GABPA: variants seen among roughly 807,000 people sequenced by gnomAD.
GABPA encodes the protein GA-binding protein alpha chain.
In GABPA, 4 loss-of-function variants were observed where a neutral mutation model predicts 59.4. That is an observed-to-expected ratio of 0.07 (90% CI 0.03 to 0.15). The LOEUF (loss-of-function observed/expected upper bound fraction) is 0.15, where lower values mean the gene tolerates loss of function less well. Among genes scored for constraint, GABPA ranks in the 10% least tolerant of loss-of-function variants. The probability of loss-of-function intolerance (pLI) is 1.00; values close to 1 mark genes in which losing one functional copy is unlikely to be tolerated. For missense variants in GABPA, 251 were observed against 543.8 expected (o/e 0.46, Z 5.36); for synonymous variants, 164 against 183.1 (o/e 0.90, Z 0.84).
chr21:25,756,525 T>C (rs2035641361), intron 5 of GABPA, among the ~76,000 whole-genome samples: 1 of 152,236 alleles, frequency 6.6e-6, no homozygotes, highest in Non-Finnish European at 1.5e-5. Flanking sequence ...TAACACACAC[T>C]GCAGCTATTG....
chr21:25,746,333 A>G (rs1032724805), intron 3 of GABPA, among the ~76,000 whole-genome samples: 1 of 152,060 alleles, frequency 6.6e-6, no homozygotes, highest in African/African-American at 2.4e-5. Context: ...TACTATTTTT[A>G]TATTAACTTA....
chr21:25,765,262 T>A (rs1157614251), intron 9 of GABPA, among the ~76,000 whole-genome samples: 1 of 152,070 alleles, frequency 6.6e-6, no homozygotes, highest in Non-Finnish European at 1.5e-5. Flanking sequence ...AAATTATGCC[T>A]ACTACAGTGA....
At chr21:25,738,107 T>C (rs988342597) in intron 1 of GABPA, among the ~76,000 whole-genome samples, 1 of 152,224 alleles carries the variant, frequency 6.6e-6, no homozygotes, top group Non-Finnish European at 1.5e-5. Context: ...ATGCTTGATA[T>C]ACTTTTCTCC....
intron 6 of GABPA, among the ~76,000 whole-genome samples, chr21:25,761,455 T>G (rs572151534): frequency 7.2e-5 from 11 of 152,182 alleles, no homozygotes; most frequent in African/African-American, 2.7e-4. Context: ...TCTGACCTCT[T>G]TTTACTTCCC....
In GABPA at chr21:25,769,240, G is replaced by C; in HGVS notation, c.*8G>C. ...ACGGAAAAGGATAATTGAGCCCCAG[G>C]ACATTCTGAGACTCCAAAGTCTTTC... On this transcript the variant is annotated 3_prime_UTR_variant, in exon 10 of 10. Coordinates refer to ENST00000400075, the MANE Select transcript of GABPA (RefSeq NM_002040.4). 6.5e-7 allele frequency: 1 copy of C among 1,538,116 alleles called. No homozygotes were observed. Among genetic ancestry groups the C allele is most frequent in the Non-Finnish European group, 9.0e-7 (1 of 1,111,448 alleles).
intron 9 of GABPA, 43 bp downstream of exon 9, chr21:25,764,830 C>T (rs2035851458): frequency 7.2e-7 from 1 of 1,394,428 alleles, no homozygotes; most frequent in African/African-American, 1.5e-5. Flanking sequence ...AAAATAGAAA[C>T]TTTCTAAAAA....
intron 9 of GABPA, 21 bp from the exon 10 acceptor site, chr21:25,768,982 AT>A (rs199745049): frequency 1.4e-4 from 199 of 1,455,154 alleles, no homozygotes; most frequent in Non-Finnish European, 1.7e-4. Flanking sequence ...GAAGTCTCTA[AT>A]TTTTTTTTCT....
intron 3 of GABPA, among the ~76,000 whole-genome samples, chr21:25,748,098 G>T (rs1568942982): frequency 6.6e-6 from 1 of 152,090 alleles, no homozygotes; most frequent in Non-Finnish European, 1.5e-5. Flanking sequence ...TATAGACAGG[G>T]TTTCTCCATG....
chr21:25,745,431 T>A, intron 3 of GABPA, 77 bp downstream of exon 3: 1 of 1,339,510 alleles, frequency 7.5e-7, no homozygotes. Context: ...CTTTTCTTTA[T>A]AGCTATAGAC....
chr21:25,764,563 T>C, intron 8 of GABPA, 32 bp from the exon 9 acceptor site: 2 of 1,582,358 alleles, frequency 1.3e-6, no homozygotes, highest in Non-Finnish European at 1.7e-6. Flanking sequence ...TATAACACTA[T>C]AGCTAATGCT....
chr21:25,762,977 T>G (rs2035799876), intron 7 of GABPA: 1 of 382,418 alleles, frequency 2.6e-6, no homozygotes, highest in Non-Finnish European at 5.0e-6. Context: ...CTACTTTTGC[T>G]TGGCTTTTCC....
intron 7 of GABPA, chr21:25,763,307 C>T (rs1211455650): frequency 3.0e-6 from 1 of 337,840 alleles, no homozygotes; most frequent in Non-Finnish European, 5.8e-6. Context: ...TCTTTCTTTT[C>T]CGCTTATGCC....
intron 2 of GABPA, among the ~76,000 whole-genome samples, chr21:25,742,896 G>T (rs934075546): frequency 6.6e-6 from 1 of 150,718 alleles, no homozygotes; most frequent in African/African-American, 2.4e-5. Flanking sequence ...TTGTGCCATT[G>T]CATTCCAGCT....
chr21:25,757,849 ATTTT>A (rs60518912), intron 5 of GABPA, among the ~76,000 whole-genome samples, 157 bp from the exon 6 acceptor site: 4 of 108,722 alleles, frequency 3.7e-5, no homozygotes, highest in Non-Finnish European at 5.5e-5. Context: ...TTACAGCATA[ATTTT>A]TTTTTTTTTT....
intron 1 of GABPA, 25 bp from the exon 2 acceptor site, chr21:25,741,548 A>G: frequency 7.6e-7 from 1 of 1,319,202 alleles, no homozygotes; most frequent in Non-Finnish European, 1.1e-6. Flanking sequence ...TAGTTTTAAA[A>G]TATCTTAAAA....
chr21:25,750,032 AT>A (rs2035468558), intron 4 of GABPA, among the ~76,000 whole-genome samples: 1 of 152,196 alleles, frequency 6.6e-6, no homozygotes, highest in South Asian at 2.1e-4. Flanking sequence ...ACTCACCATA[AT>A]GTAGAATCAG....
rs746580753 is a variant in GABPA at position 25,758,191 on chromosome 21, A to G, written c.735A>G (p.Glu245=). Residue 245 remains glutamate, a synonymous_variant, in exon 6 of 10, where the codon GAA becomes GAG. Transcript: ENST00000400075. The stretch of plus-strand genomic sequence containing the variant: ...GAGAAATTCTCTGGAGTCATCTGGA[A>G]CTTCTCCGAAAATGTATGAAATTAC... ...PRGEILWSHL[E]LLRKYVLASQ... 1.9e-6 allele frequency: 3 copies of G among 1,586,814 alleles called. No homozygotes were observed. Among genetic ancestry groups the G allele is most frequent in the Non-Finnish European group, 2.6e-6 (3 of 1,168,436 alleles).
Position 25,771,560 on chromosome 21 carries a change from T to G in GABPA, c.*2328T>G, listed in dbSNP as rs147069073. On this transcript the variant is annotated 3_prime_UTR_variant, in exon 10 of 10. Transcript: ENST00000400075. ...ATTATATGTAAAATATTTGTTTTAC[T>G]TAGGTTACAGTTATCAGAAAGGTAG... 1.0e-3 allele frequency: 155 copies of G among 152,078 alleles called. 1 individual carries two copies. The highest frequency in any genetic ancestry group is 3.5e-3 in the African/African-American group (144 of 41,564). The allele number at this position is 152,078 out of a possible 1,614,324, so 9.4% of individuals were successfully genotyped here.
intron 2 of GABPA, among the ~76,000 whole-genome samples, 194 bp from the exon 3 acceptor site, chr21:25,745,016 A>G (rs2123504493): frequency 6.6e-6 from 1 of 152,248 alleles, no homozygotes; most frequent in East Asian, 1.9e-4. Flanking sequence ...TTTCAAGCTT[A>G]GCATTTCTCT....
Sources: allele counts gnomAD v4.1 joint callset (sites outside exome capture counted in the v4.1 genomes callset), GRCh38; gene constraint gnomAD v4.1.1; transcripts MANE v1.5; gene names NCBI Gene and HGNC (gene_info 2026-07-23, HGNC 2026-07-21).